RMDN1: variants seen among roughly 807,000 people sequenced by gnomAD.
The protein encoded by RMDN1 is regulator of microtubule dynamics 1.
Under a neutral mutation model 48.9 loss-of-function variants are expected in RMDN1, and 48 were observed. The observed-to-expected ratio is 0.98, with a 90% confidence interval of 0.78 to 1.25. The LOEUF is 1.25. RMDN1 is among the 50% of genes most tolerant of loss of function. The probability of loss-of-function intolerance (pLI) is 0.00; values close to 1 mark genes in which losing one functional copy is unlikely to be tolerated. For synonymous variants in RMDN1, 148 were observed against 132.6 expected (o/e 1.12, Z -0.80); for missense variants, 418 against 373.4 (o/e 1.12, Z -0.98).
chr8:86,496,935 C>G (rs1158018471), intron 2 of RMDN1, among the ~76,000 whole-genome samples: 1 of 151,894 alleles, frequency 6.6e-6, no homozygotes, highest in East Asian at 1.9e-4. Flanking sequence ...GAAATCAAAC[C>G]AAGCACTCTC....
At chr8:86,471,179 T>C (rs906024583), downstream of RMDN1, among the ~76,000 whole-genome samples, 2 of 151,266 alleles carry the variant, frequency 1.3e-5, no homozygotes, top group African/African-American at 4.9e-5. Context: ...TGTGAATCTA[T>C]GATTTTTTGA....
intron 2 of RMDN1, among the ~76,000 whole-genome samples, chr8:86,491,316 A>G (rs1324752218): frequency 6.6e-6 from 1 of 151,950 alleles, no homozygotes; most frequent in Non-Finnish European, 1.5e-5. Context: ...TTGTATTTTT[A>G]GTAGAGACAG....
chr8:86,494,057 AGGAGGGAATG>A (rs1816928247), intron 2 of RMDN1, among the ~76,000 whole-genome samples: 1 of 152,172 alleles, frequency 6.6e-6, no homozygotes, highest in Non-Finnish European at 1.5e-5. Flanking sequence ...GTTGAGTGGC[AGGAGGGAATG>A]GGGTGATGTT....
At chr8:86,504,632 CTGTT>C (rs1379356970) in intron 2 of RMDN1, 13 of 901,088 alleles carry the variant, frequency 1.4e-5, no homozygotes, top group Non-Finnish European at 2.3e-5. Flanking sequence ...ATGCTCATGA[CTGTT>C]TGTTATTAAA....
chr8:86,478,685 C>T (rs1586606545), intron 7 of RMDN1: 13 of 468,722 alleles, frequency 2.8e-5, no homozygotes, highest in Admixed American at 8.0e-5. Flanking sequence ...ATTTTAGCCA[C>T]GAGCCATTTT....
upstream of RMDN1, chr8:86,508,748 T>TCCTGCCCAGCACCTCTTCCGCCC (rs1819860071): frequency 1.7e-5 from 24 of 1,391,172 alleles, no homozygotes; most frequent in Non-Finnish European, 2.1e-5. Flanking sequence ...CTCTTCCGCC[T>TCCTGCCCAGCACCTCTTCCGCCC]CCTGCCCAGC....
chr8:86,477,339 A>G lies in RMDN1; in HGVS notation c.730-15T>C. ...TAGCCTAAGGCCTGTCAAAAACACA[A>G]AGAGCCCAAACATAATAAAAAAGAT... On this transcript the variant is annotated splice_polypyrimidine_tract_variant and intron_variant, in intron 7 of 9. Transcript: ENST00000406452. The G allele has an allele frequency of 1.4e-6, 2 of 1,480,780 alleles. No individual in the cohort carries two copies. The highest frequency in any genetic ancestry group is 1.2e-5 in the South Asian group (1 of 81,874). 91.7% of individuals were successfully genotyped at this position (1,480,780 alleles called of 1,614,324 possible).
At position 86,486,590 on chromosome 8, in the gene RMDN1, T is replaced by G. The variant is rs1265043682; in HGVS notation, c.389A>C (p.Gln130Pro). Reference sequence around the variant, plus strand: ...CTCCTCTTCTGAGGTTCTGCTAAGCTGAGCTACATCACGTGATGCCCGTGC... The same window carrying G: ...CTCCTCTTCTGAGGTTCTGCTAAGCGGAGCTACATCACGTGATGCCCGTGC... ...RLARASRDVA[Q>P]LSRTSEEEKK... Residue 130 changes from glutamine to proline, a missense_variant, in exon 4 of 10, where the codon CAG (glutamine) becomes CCG (proline). Coordinates refer to ENST00000406452, the MANE Select transcript of RMDN1 (RefSeq NM_016033.3). 2 of 1,612,636 alleles carry G rather than the reference T, an allele frequency of 1.2e-6. No homozygotes were observed. The highest frequency in any genetic ancestry group is 1.7e-5 in the Admixed American group (1 of 59,980).
rs535967773 is a variant in RMDN1 at position 86,473,579 on chromosome 8, A to G, written c.*729T>C. ...CCAGGAGTTTGAGACCAGCCTAGCC[A>G]ACATGGCAAAACCCCATCTCTACCA... is the stretch of plus-strand genomic sequence containing the variant. On this transcript the variant is annotated 3_prime_UTR_variant, in exon 10 of 10. Transcript: ENST00000406452. 8.7e-5 allele frequency: 42 copies of G among 484,954 alleles called. No homozygotes were observed. The highest frequency in any genetic ancestry group is 1.0e-4 in the Non-Finnish European group (39 of 373,062). The allele number at this position is 484,954 out of a possible 1,614,324, so 30.0% of individuals were successfully genotyped here.
chr8:86,493,670 G>T (rs1386455330), intron 2 of RMDN1, among the ~76,000 whole-genome samples: 1 of 152,114 alleles, frequency 6.6e-6, no homozygotes, highest in Non-Finnish European at 1.5e-5. Flanking sequence ...CCAAAACTTT[G>T]TGAGAGCCAA....
chr8:86,493,952 G>A lies in RMDN1; in HGVS notation c.248-5313C>T, dbSNP rs1287267362. ...TCTAGTCCCAAGCAGTTTGGATAAG[G>A]GATACCTACACTCTATGATCTCACT... is the stretch of plus-strand genomic sequence containing the variant. On this transcript the variant is annotated intron_variant, in intron 2 of 9. Transcript: ENST00000406452. Among the ~76,000 whole-genome samples the A allele has an allele frequency of 3.3e-5, 5 of 151,968 alleles. No individual in the cohort carries two copies. In the East Asian group the frequency reaches 9.7e-4, roughly 29 times the overall value.
Position 86,485,407 on chromosome 8 carries a change from A to T in RMDN1, c.496-446T>A, listed in dbSNP as rs144910266. Among the ~76,000 whole-genome samples, 477 of 152,326 alleles carry T rather than the reference A, an allele frequency of 3.1e-3. 4 individuals are homozygous for T. The highest frequency in any genetic ancestry group is 0.011 in the African/African-American group (462 of 41,584). On this transcript the variant is annotated intron_variant, in intron 4 of 9. Coordinates refer to ENST00000406452, the MANE Select transcript of RMDN1 (RefSeq NM_016033.3). ...ACCACTGTACTCCAGCCTGGACAAC[A>T]GAATGAGACTATGTCTAAAACAAAA...
chr8:86,477,929 C>T (rs1457848182), intron 7 of RMDN1: 1 of 152,084 alleles, frequency 6.6e-6, no homozygotes, highest in Non-Finnish European at 1.5e-5. Flanking sequence ...CTCTGTTGCC[C>T]AGGCTGGAAT....
downstream of RMDN1, among the ~76,000 whole-genome samples, chr8:86,471,688 A>G (rs1210727528): frequency 6.6e-6 from 1 of 152,238 alleles, no homozygotes; most frequent in Non-Finnish European, 1.5e-5. Flanking sequence ...AAAAGAGCCA[A>G]GAAAATGAAA....
At chr8:86,478,311 AAAG>A (rs1813745368) in intron 7 of RMDN1, 1 of 152,224 alleles carries the variant, frequency 6.6e-6, no homozygotes, top group South Asian at 2.1e-4. Flanking sequence ...AGCTTCCCAG[AAAG>A]AAAAAAAAGC....
Position 86,481,833 on chromosome 8 carries a change from A to T in RMDN1, c.586-1501T>A, listed in dbSNP as rs181567586. 2,981 of 928,454 alleles carry T rather than the reference A, an allele frequency of 3.2e-3. 10 individuals are homozygous for T. The highest frequency in any genetic ancestry group is 4.0e-3 in the Non-Finnish European group (2,651 of 659,044). The allele number at this position is 928,454 out of a possible 1,614,324, so 57.5% of individuals were successfully genotyped here. On this transcript the variant is annotated intron_variant, in intron 5 of 9. Transcript: ENST00000406452. Reference sequence around the variant, plus strand: ...GAGTAGGGCTTTATTTCCAGGAAACAGTGTGTTAGTTGGAGCAGTATTTTT... The same window carrying T: ...GAGTAGGGCTTTATTTCCAGGAAACTGTGTGTTAGTTGGAGCAGTATTTTT...
At chr8:86,495,871 A>G (rs750575474) in intron 2 of RMDN1, among the ~76,000 whole-genome samples, 2 of 152,224 alleles carry the variant, frequency 1.3e-5, no homozygotes, top group East Asian at 1.9e-4. Context: ...TCCAAGGTCC[A>G]TATGAAAGAA....
At chr8:86,495,849 G>T (rs1817256477) in intron 2 of RMDN1, among the ~76,000 whole-genome samples, 1 of 152,088 alleles carries the variant, frequency 6.6e-6, no homozygotes, top group Non-Finnish European at 1.5e-5. Flanking sequence ...AAGACACATA[G>T]TCATCAGATT....
rs1251603569 is a variant in RMDN1 at position 86,473,155 on chromosome 8, T to TTTTG, written c.*1149_*1152dup. The TTTTG allele has an allele frequency of 3.0e-6, 3 of 985,228 alleles. No homozygotes were observed. Among genetic ancestry groups the TTTTG allele is most frequent in the Non-Finnish European group, 3.6e-6 (3 of 829,874 alleles). 61.0% of individuals were successfully genotyped at this position (985,228 alleles called of 1,614,324 possible). Reference sequence around the variant, plus strand: ...AAAGATCACTACTTTCAGTTTTCCTTTTTGTTTGAAAATGTACATGACAAA... The same window carrying TTTTG: ...AAAGATCACTACTTTCAGTTTTCCTTTTTGTTTGTTTGAAAATGTACATGACAAA... On this transcript the variant is annotated 3_prime_UTR_variant, in exon 10 of 10. Coordinates refer to ENST00000406452, the MANE Select transcript of RMDN1 (RefSeq NM_016033.3).
Sources: gnomAD v4.1 joint callset for allele counts (sites outside exome capture counted in the v4.1 genomes callset) on GRCh38, gnomAD v4.1.1 for gene constraint, MANE v1.5 for transcripts, NCBI Gene and HGNC (gene_info 2026-07-23, HGNC 2026-07-21) for gene names.